Variants in PRSS57 observed in about 807,000 individuals in gnomAD.
PRSS57 encodes the protein serine protease 57, also known as neutrophil serine protease 4.
Under a neutral mutation model 20.6 loss-of-function variants are expected in PRSS57, and 19 were observed. The observed-to-expected ratio is 0.92, with a 90% confidence interval of 0.64 to 1.35. The LOEUF is 1.35. PRSS57 is among the 40% of genes most tolerant of loss of function. The probability of loss-of-function intolerance (pLI) is 0.00; values close to 1 mark genes in which losing one functional copy is unlikely to be tolerated. For missense variants in PRSS57, 440 were observed against 403.7 expected (o/e 1.09, Z -0.77); for synonymous variants, 203 against 176.6 (o/e 1.15, Z -1.19).
At chr19:689,919 G>A (rs990098559) in intron 3 of PRSS57, among the ~76,000 whole-genome samples, 19 of 152,222 alleles carry the variant, frequency 1.2e-4, no homozygotes, top group Admixed American at 2.0e-4. Context: ...CAGGTGTGGT[G>A]GTGGGTGCCT....
chr19:685,558 T>G lies in PRSS57; in HGVS notation c.*158A>C. 2.9e-6 allele frequency: 2 copies of G among 695,128 alleles called. No homozygotes were observed. The highest frequency in any genetic ancestry group is 4.6e-6 in the Non-Finnish European group (2 of 430,554). 43.1% of individuals were successfully genotyped at this position (695,128 alleles called of 1,614,324 possible). A position where few individuals can be genotyped will look rare whatever the true frequency, so the allele number is the denominator to read the frequency against. ...GGTGAGGCTGGAAGTCAGTTAACATTTTACTGGGTTTGCTTCTGCCCTTTG... is the reference window on the plus strand; with the variant it reads ...GGTGAGGCTGGAAGTCAGTTAACATGTTACTGGGTTTGCTTCTGCCCTTTG... On this transcript the variant is annotated 3_prime_UTR_variant, in exon 5 of 5. Coordinates refer to ENST00000329267, the MANE Select transcript of PRSS57 (RefSeq NM_001308209.2).
intron 3 of PRSS57, among the ~76,000 whole-genome samples, chr19:688,888 C>T (rs1307148171): frequency 1.3e-5 from 2 of 152,098 alleles, no homozygotes; most frequent in Non-Finnish European, 1.5e-5. Flanking sequence ...TGTGAGCCAC[C>T]ACGCCCGGCC....
At position 685,722 on chromosome 19, in the gene PRSS57, G is replaced by A. The variant is rs780973599; in HGVS notation, c.843C>T (p.Ala281=). The A allele has an allele frequency of 1.5e-5, 23 of 1,539,836 alleles. No homozygotes were observed. Among genetic ancestry groups the A allele is most frequent in the South Asian group, 4.8e-5 (4 of 84,206 alleles). ...CATGCCGCAAGGTTGTGGCTCAGGCGGCTTCTCCTGGGGGCCTGGTGGTCC... is the reference window on the plus strand; with the variant it reads ...CATGCCGCAAGGTTGTGGCTCAGGCAGCTTCTCCTGGGGGCCTGGTGGTCC... The part of the protein sequence containing the change: ...LPGTTRPPGE[A]A Residue 281 remains alanine (A), a synonymous_variant, in exon 5 of 5, where the codon GCC becomes GCT. Coordinates refer to ENST00000329267, the MANE Select transcript of PRSS57 (RefSeq NM_001308209.2).
At chr19:691,158 G>A (rs1360197859) in intron 3 of PRSS57, 3 of 206,204 alleles carry the variant, frequency 1.5e-5, no homozygotes, top group Non-Finnish European at 3.0e-5. Context: ...CCCGGCTCCA[G>A]CTGTGGTTAC....
At chr19:692,776 A>G (rs1007265461) in intron 2 of PRSS57, among the ~76,000 whole-genome samples, 4 of 151,816 alleles carry the variant, frequency 2.6e-5, no homozygotes, top group Non-Finnish European at 5.9e-5. Context: ...CCTACCTCCA[A>G]TATAGAATTA....
chr19:694,994 G>C (rs1471039248), intron 1 of PRSS57, 27 bp from the exon 2 acceptor site: 1 of 1,500,154 alleles, frequency 6.7e-7, no homozygotes, highest in Non-Finnish European at 8.9e-7. Context: ...CTGAGTCAGG[G>C]ACGAGGCGGG....
rs56125026 is a variant in PRSS57, at chr19:685,833, G to T, written c.732C>A (p.Pro244=). ...SGLWCGDPKT[P]DVYTQVSAFV... is the part of the protein sequence containing the mutation. ...AGGCGGACACCTGCGTGTACACGTC[G>T]GGGGTCTTGGGGTCGCCGCACCAGA... is the stretch of plus-strand genomic sequence containing the variant. Residue 244 remains proline, a synonymous_variant, in exon 5 of 5, where the codon CCC becomes CCA. Coordinates refer to ENST00000329267, the MANE Select transcript of PRSS57 (RefSeq NM_001308209.2). The T allele has an allele frequency of 0.032, 50,164 of 1,562,842 alleles. 961 individuals are homozygous for T. The highest frequency in any genetic ancestry group is 0.044 in the South Asian group (3,768 of 84,930).
intron 2 of PRSS57, 69 bp from the exon 3 acceptor site, chr19:692,071 T>C: frequency 8.1e-7 from 1 of 1,237,080 alleles, no homozygotes; most frequent in South Asian, 3.8e-5. Flanking sequence ...TCCACTCATC[T>C]ATGAAACGGA....
chr19:689,304 G>C (rs1755093249), intron 3 of PRSS57, among the ~76,000 whole-genome samples: 1 of 141,664 alleles, frequency 7.1e-6, no homozygotes, highest in African/African-American at 2.7e-5. Flanking sequence ...GCTGGAACAG[G>C]GTTGCAGGGA....
At chr19:688,344 C>CTTTTTTTTTT (rs370305351) in intron 3 of PRSS57, among the ~76,000 whole-genome samples, 2 of 143,564 alleles carry the variant, frequency 1.4e-5, no homozygotes, top group Non-Finnish European at 1.5e-5. Context: ...GCTCCTCCTC[C>CTTTTTTTTTT]TTTTTTTTTT....
chr19:694,707 C>T, intron 2 of PRSS57, 107 bp downstream of exon 2: 1 of 1,284,052 alleles, frequency 7.8e-7, no homozygotes, highest in Non-Finnish European at 1.1e-6. Flanking sequence ...TGCTGAGACT[C>T]CCCCTCCTGC....
At chr19:694,730 G>GCCCCCAGCT (rs2031739532) in intron 2 of PRSS57, 84 bp downstream of exon 2, 31 of 1,433,472 alleles carry the variant, frequency 2.2e-5, no homozygotes, top group Non-Finnish European at 2.8e-5. Flanking sequence ...GAGCCACGGC[G>GCCCCCAGCT]CCCCCAGCTC....
In PRSS57 at chr19:685,861, C is replaced by T. The variant is rs905209539; in HGVS notation, c.704G>A (p.Gly235Asp). 1.3e-6 allele frequency: 2 copies of T among 1,558,480 alleles called. No individual in the cohort carries two copies. Among genetic ancestry groups the T allele is most frequent in the East Asian group, 4.8e-5 (2 of 41,612 alleles). Residue 235 changes from glycine to aspartate, a missense_variant, in exon 5 of 5, where the codon GGC (glycine) becomes GAC (aspartate). Gly to Asp is a moderately conservative substitution (Grantham distance 94, BLOSUM62 -1). Coordinates refer to ENST00000329267, the MANE Select transcript of PRSS57 (RefSeq NM_001308209.2). ...GGTCTTGGGGTCGCCGCACCAGAGGCCCGAGAAGGAAACGAGGCCGTGAGC... is the reference window on the plus strand; with the variant it reads ...GGTCTTGGGGTCGCCGCACCAGAGGTCCGAGAAGGAAACGAGGCCGTGAGC... ...NRAHGLVSFS[G>D]LWCGDPKTPD...
chr19:693,399 C>T (rs564449144), intron 2 of PRSS57, among the ~76,000 whole-genome samples: 1 of 151,278 alleles, frequency 6.6e-6, no homozygotes, highest in Admixed American at 6.6e-5. Context: ...GAGGACTCTG[C>T]GGGGAGGAGG....
In PRSS57 at chr19:685,811, CGGA is replaced by C. The variant is rs1208948686; in HGVS notation, c.751_753del (p.Ser251del). 1.8e-5 allele frequency: 28 copies of C among 1,565,278 alleles called. No homozygotes were observed. In the East Asian group the frequency reaches 6.7e-4, roughly 37 times the overall value. ...ACGTCCCAGATCCAGGCCACAAAGG[CGGA>C]CACCTGCGTGTACACGTCGGGGGTC... On this transcript the variant is annotated inframe_deletion, in exon 5 of 5. Coordinates refer to ENST00000329267, the MANE Select transcript of PRSS57 (RefSeq NM_001308209.2).
chr19:691,115 GTGAAGAC>G (rs1442075577), intron 3 of PRSS57: 2 of 227,124 alleles, frequency 8.8e-6, no homozygotes, highest in Admixed American at 9.7e-5. Context: ...TGGCCATCTT[GTGAAGAC>G]TCACACCAGA....
In PRSS57 at chr19:685,781, GA is replaced by G. The variant is rs2031455586; in HGVS notation, c.783del (p.Arg262GlyfsTer74). On this transcript the variant is annotated frameshift_variant, in exon 5 of 5. Coordinates refer to ENST00000329267, the MANE Select transcript of PRSS57 (RefSeq NM_001308209.2). LOFTEE classifies it low-confidence loss of function (END_TRUNC). ...SAFVAWIWDV[V>X]RRSSPQPGPL... ...GGGCCGGGCTGGGGACTGCTCCGCC[GA>G]ACCACGTCCCAGATCCAGGCCACAA... is the stretch of plus-strand genomic sequence containing the variant. 7 of 1,566,808 alleles carry G rather than the reference GA, an allele frequency of 4.5e-6. No individual in the cohort carries two copies. In the East Asian group the frequency reaches 1.7e-4, roughly 37 times the overall value.
intron 2 of PRSS57, among the ~76,000 whole-genome samples, chr19:694,527 C>T (rs1390678546): frequency 6.7e-6 from 1 of 149,076 alleles, no homozygotes; most frequent in Non-Finnish European, 1.5e-5. Flanking sequence ...GAGATTGCAC[C>T]GTTGCACTCC....
chr19:693,117 G>A (rs1281953663), intron 2 of PRSS57, among the ~76,000 whole-genome samples: 3 of 151,358 alleles, frequency 2.0e-5, no homozygotes, highest in Non-Finnish European at 4.4e-5. Flanking sequence ...TTTTTTAGTA[G>A]AGACAGGGTT....
Sources: allele counts gnomAD v4.1 joint callset (sites outside exome capture counted in the v4.1 genomes callset), GRCh38; gene constraint gnomAD v4.1.1; transcripts MANE v1.5; gene names NCBI Gene and HGNC (gene_info 2026-07-23, HGNC 2026-07-21).